Variants in DZIP3 observed in about 807,000 individuals in gnomAD.
The protein encoded by DZIP3 is DAZ interacting zinc finger protein 3, also known as E3 ubiquitin-protein ligase DZIP3.
A neutral mutation model predicts 162.0 loss-of-function variants in DZIP3; 118 were observed. That is an observed-to-expected ratio of 0.73 (90% CI 0.63 to 0.85). The LOEUF (loss-of-function observed/expected upper bound fraction) is 0.85, where lower values mean the gene tolerates loss of function less well. DZIP3 is among the 40% of genes least tolerant of loss of function. The pLI is 0.00. For synonymous variants in DZIP3, 438 were observed against 458.6 expected (o/e 0.96, Z 0.57); for missense variants, 1,331 against 1,407.0 (o/e 0.95, Z 0.86).
At chr3:108,633,217 T>C (rs1299532627) in intron 9 of DZIP3, 145 bp downstream of exon 9, 2 of 283,980 alleles carry the variant, frequency 7.0e-6, no homozygotes, top group African/African-American at 2.3e-5. Flanking sequence ...GTTGAAAAGT[T>C]ATTTTACTAT....
chr3:108,659,164 G>C (rs543840978), intron 19 of DZIP3, among the ~76,000 whole-genome samples: 42 of 152,260 alleles, frequency 2.8e-4, no homozygotes, highest in Middle Eastern at 3.4e-3. Flanking sequence ...CATCCTGATA[G>C]CAAAGCCGGG....
chr3:108,653,507 G>GTATATATATATATATATATATA (rs57047978), intron 18 of DZIP3, among the ~76,000 whole-genome samples: 5 of 104,600 alleles, frequency 4.8e-5, no homozygotes, highest in Non-Finnish European at 8.0e-5. Flanking sequence ...GTGTGTGTGT[G>GTATATATATATATATATATATA]TATATATATA....
intron 25 of DZIP3, among the ~76,000 whole-genome samples, chr3:108,676,756 C>A (rs1944126013): frequency 6.6e-6 from 1 of 152,014 alleles, no homozygotes; most frequent in Admixed American, 6.6e-5. Context: ...TGGGTTTATT[C>A]AAAATTTTTG....
chr3:108,605,145 A>G (rs1940265545), intron 1 of DZIP3, among the ~76,000 whole-genome samples, 190 bp from the exon 2 acceptor site: 2 of 152,176 alleles, frequency 1.3e-5, no homozygotes, highest in African/African-American at 4.8e-5. Flanking sequence ...TTGGTAAAAT[A>G]TACCTATGCT....
intron 31 of DZIP3, among the ~76,000 whole-genome samples, chr3:108,690,021 A>G (rs1471846540): frequency 2.6e-5 from 4 of 152,252 alleles, no homozygotes; most frequent in Non-Finnish European, 5.9e-5. Context: ...AAAGTTTTCT[A>G]GGAAAGATCC....
At chr3:108,596,755 T>A (rs1939734915) in intron 1 of DZIP3, among the ~76,000 whole-genome samples, 1 of 152,162 alleles carries the variant, frequency 6.6e-6, no homozygotes, top group African/African-American at 2.4e-5. Flanking sequence ...GTGTGCCAGG[T>A]GCTATTCTAG....
rs1944421939 is a variant in DZIP3 at position 108,684,250 on chromosome 3, A to T, written c.2918A>T (p.Glu973Val). 2 of 1,612,624 alleles carry T rather than the reference A, an allele frequency of 1.2e-6. No individual in the cohort carries two copies. Among genetic ancestry groups the T allele is most frequent in the Admixed American group, 3.3e-5 (2 of 59,894 alleles). ...TTCTTAGGAAGACCTCTTGTGAAAGAATCTTTCTTTAGACCCATACTTACT... is the reference window on the plus strand; with the variant it reads ...TTCTTAGGAAGACCTCTTGTGAAAGTATCTTTCTTTAGACCCATACTTACT... Reference protein sequence around the residue: ...QQFLGRPLVKESFFRPILTVP... With the variant: ...QQFLGRPLVKVSFFRPILTVP... Residue 973 changes from glutamate to valine, a missense_variant, in exon 27 of 33, where the codon GAA (glutamate) becomes GTA (valine). Glu to Val is a moderately radical substitution (Grantham distance 121). Coordinates refer to ENST00000361582, the MANE Select transcript of DZIP3 (RefSeq NM_014648.4).
chr3:108,622,881 T>TCTCTCTCTCTCTCTCTCTCTCTCTGC, intron 5 of DZIP3, among the ~76,000 whole-genome samples: 1 of 39,262 alleles, frequency 2.5e-5, no homozygotes, highest in Non-Finnish European at 5.8e-5. Context: ...TCTCTCTCTC[T>TCTCTCTCTCTCTCTCTCTCTCTCTGC]GTGTGTGTGT....
intron 22 of DZIP3, among the ~76,000 whole-genome samples, chr3:108,670,447 ATGT>A (rs1431513335): frequency 6.6e-6 from 1 of 151,924 alleles, no homozygotes; most frequent in African/African-American, 2.4e-5. Flanking sequence ...AAATTCATTC[ATGT>A]TGTAGCATGT....
intron 1 of DZIP3, chr3:108,603,103 C>T (rs955772948): frequency 6.6e-6 from 1 of 152,156 alleles, no homozygotes; most frequent in African/African-American, 2.4e-5. Context: ...TTCATCCTTG[C>T]TGTGATCTAT....
At chr3:108,654,109 T>C in intron 18 of DZIP3, 36 bp from the exon 19 acceptor site, 1 of 1,600,900 alleles carries the variant, frequency 6.2e-7, no homozygotes, top group South Asian at 1.1e-5. Flanking sequence ...TACTATACAA[T>C]TGTAAAAGCT....
At chr3:108,666,797 G>A (rs768329000) in intron 21 of DZIP3, among the ~76,000 whole-genome samples, 8 of 152,042 alleles carry the variant, frequency 5.3e-5, no homozygotes, top group Non-Finnish European at 1.2e-4. Flanking sequence ...AATAATCCAT[G>A]GGTCAAAGAA....
At chr3:108,688,774 T>C (rs1258449934) in intron 30 of DZIP3, 38 bp downstream of exon 30, 1 of 1,613,768 alleles carries the variant, frequency 6.2e-7, no homozygotes, top group African/African-American at 1.3e-5. Flanking sequence ...ACATTTAGAT[T>C]TGGGAGAAAA....
At chr3:108,655,373 T>TA (rs1355791017) in intron 19 of DZIP3, among the ~76,000 whole-genome samples, 1 of 152,182 alleles carries the variant, frequency 6.6e-6, no homozygotes, top group Non-Finnish European at 1.5e-5. Flanking sequence ...CTCCTCCACT[T>TA]ACTGTCTATG....
intron 18 of DZIP3, among the ~76,000 whole-genome samples, chr3:108,653,569 T>G (rs974028986): frequency 2.7e-5 from 4 of 147,572 alleles, no homozygotes; most frequent in Non-Finnish European, 4.5e-5. Context: ...TTAAAAGTGG[T>G]CTCTGTTAGT....
chr3:108,650,223 A>T (rs1404281490), intron 17 of DZIP3, among the ~76,000 whole-genome samples: 1 of 151,856 alleles, frequency 6.6e-6, no homozygotes, highest in African/African-American at 2.4e-5. Flanking sequence ...CCAAAAGGGA[A>T]TTTGAGAAAT....
At chr3:108,605,809 AC>A (rs148720027) in intron 2 of DZIP3, among the ~76,000 whole-genome samples, 2,892 of 152,226 alleles carry the variant, frequency 0.019, 100 homozygotes, top group African/African-American at 0.066. Flanking sequence ...GTTGACAAAA[AC>A]CAGCTGCATT....
intron 27 of DZIP3, 105 bp downstream of exon 27, chr3:108,684,446 G>A: frequency 2.2e-6 from 3 of 1,359,908 alleles, no homozygotes; most frequent in Non-Finnish European, 1.0e-6. Flanking sequence ...ATATGATAAT[G>A]ATGGGGGTGG....
At position 108,636,617 on chromosome 3, in the gene DZIP3, G is replaced by C. The variant is rs1347970558; in HGVS notation, c.920G>C (p.Ser307Thr). ...ATTTTTTTCTATTAATAAATTTAGAGTTTTAGTGGGAAAAAATGTTTGAAG... is the reference window on the plus strand; with the variant it reads ...ATTTTTTTCTATTAATAAATTTAGACTTTTAGTGGGAAAAAATGTTTGAAG... ...NLKYPGENDQ[S>T]FSGKKCLKEG... Residue 307 changes from serine to threonine, a missense_variant and splice_region_variant, in exon 11 of 33, where the codon AGT becomes ACT. Ser to Thr is a moderately conservative substitution (Grantham distance 58). Coordinates refer to ENST00000361582, the MANE Select transcript of DZIP3 (RefSeq NM_014648.4). 6.5e-7 allele frequency: 1 copy of C among 1,546,260 alleles called. No individual in the cohort carries two copies. The highest frequency in any genetic ancestry group is 2.4e-5 in the East Asian group (1 of 42,274).
Sources: gnomAD v4.1 joint callset for allele counts (sites outside exome capture counted in the v4.1 genomes callset) on GRCh38, gnomAD v4.1.1 for gene constraint, MANE v1.5 for transcripts, NCBI Gene and HGNC (gene_info 2026-07-23, HGNC 2026-07-21) for gene names.